CAPN15: variants seen among roughly 807,000 people sequenced by gnomAD.
CAPN15 encodes the protein calpain 15.
Under a neutral mutation model 97.9 loss-of-function variants are expected in CAPN15, and 53 were observed. The observed-to-expected ratio is 0.54, with a 90% CI of 0.43 to 0.68. The LOEUF is 0.68. CAPN15 is among the 30% of genes least tolerant of loss of function. The pLI, the probability that CAPN15 is intolerant of heterozygous loss-of-function variation, is 0.00. For missense variants in CAPN15, 1,592 were observed against 1,589.8 expected, an observed-to-expected ratio of 1.00 and a Z score of -0.02; for synonymous variants, 922 against 722.5, an observed-to-expected ratio of 1.28 and a Z score of -4.43.
Position 548,997 on chromosome 16 carries a change from A to G in CAPN15, c.1454A>G (p.Asn485Ser), listed in dbSNP as rs371144433. The stretch of plus-strand genomic sequence containing the variant: ...ACATGGCCGTGGTCTCTGCAGAACA[A>G]TGTGAGCTTCGTGGATGACAGCTTC... ...ENIVAFCREN[N>S]VSFVDDSFPP... The change falls in exon 5 of 14, where the codon AAT (asparagine) becomes AGT (serine). Residue 485 changes from asparagine to serine, a missense_variant. Around this residue, in one of 3 missense-constraint regions of CAPN15, gnomAD observed 883 missense variants for 776.6 expected, o/e 1.14. Coordinates refer to ENST00000219611, the MANE Select transcript of CAPN15 (RefSeq NM_005632.3). 13 of 1,612,544 alleles carry G rather than the reference A, an allele frequency of 8.1e-6. No individual in the cohort carries two copies. The highest frequency in any genetic ancestry group is 4.0e-5 in the African/African-American group (3 of 74,928).
rs970525051 is a variant in CAPN15 at position 540,010 on chromosome 16, C to T, written c.-23+3868C>T. The T allele has an allele frequency of 2.5e-5, 23 of 929,778 alleles. No individual in the cohort carries two copies. The East Asian group carries it at 5.8e-4, about 24-fold the overall frequency. The allele number at this position is 929,778 out of a possible 1,614,324, so 57.6% of individuals were successfully genotyped here. ...GGCTGGGCATGCTGGGAAGTCCTCC[C>T]GGGCTGTGTGTGTGAATCATGCTGT... On this transcript the variant is annotated intron_variant, in intron 3 of 13. Coordinates refer to ENST00000219611, the MANE Select transcript of CAPN15 (RefSeq NM_005632.3).
In CAPN15 at chr16:551,355, C is replaced by T. The variant is rs2035066204; in HGVS notation, c.2120C>T (p.Ala707Val). The T allele has an allele frequency of 1.9e-6, 3 of 1,609,170 alleles. No homozygotes were observed. Among genetic ancestry groups the T allele is most frequent in the African/African-American group, 1.3e-5 (1 of 74,896 alleles). Residue 707 changes from alanine (A) to valine (V), a missense_variant, in exon 8 of 14, where the codon GCC becomes GTC. By Grantham distance (64) the Ala-to-Val change is moderately conservative. Around this residue, in one of 3 missense-constraint regions of CAPN15, gnomAD observed 644 missense variants for 699.6 expected, o/e 0.92. Coordinates refer to ENST00000219611, the MANE Select transcript of CAPN15 (RefSeq NM_005632.3). Reference protein sequence around the residue: ...GGGNMKVDDSAYESLGLRPRH... With the variant: ...GGGNMKVDDSVYESLGLRPRH... Reference sequence around the variant, plus strand: ...GGCAACATGAAGGTGGACGATTCGGCCTACGAGAGCCTGGGCCTGCGCCCC... The same window carrying T: ...GGCAACATGAAGGTGGACGATTCGGTCTACGAGAGCCTGGGCCTGCGCCCC...
intron 1 of CAPN15, among the ~76,000 whole-genome samples, 185 bp downstream of exon 1, chr16:528,214 C>T (rs554263468): frequency 3.3e-5 from 5 of 151,926 alleles, no homozygotes; most frequent in African/African-American, 4.8e-5. Flanking sequence ...GCCCGCCGCC[C>T]GCTGGCGCCT....
chr16:540,038 C>A, intron 3 of CAPN15: 1 of 970,530 alleles, frequency 1.0e-6, no homozygotes, highest in Non-Finnish European at 1.2e-6. Context: ...CATGCTGTTT[C>A]TTCTCTATTT....
In CAPN15 at chr16:547,025, G is replaced by T; in HGVS notation, c.187G>T (p.Ala63Ser). 3.1e-6 allele frequency: 5 copies of T among 1,609,758 alleles called. No homozygotes were observed. The highest frequency in any genetic ancestry group is 4.2e-6 in the Non-Finnish European group (5 of 1,179,680). The change falls in exon 4 of 14, where the codon GCC (alanine) becomes TCC (serine). Residue 63 changes from alanine (A) to serine (S), a missense_variant. Around this residue, in one of 3 missense-constraint regions of CAPN15, gnomAD observed 883 missense variants for 776.6 expected, o/e 1.14. Coordinates refer to ENST00000219611, the MANE Select transcript of CAPN15 (RefSeq NM_005632.3). ...CTTCCGCAACTTCCTGGGCAAGGAG[G>T]CCTGCGAGGTGTGCGGCTTCACCCC... ...CTFRNFLGKE[A>S]CEVCGFTPEP...
chr16:531,170 C>T (rs2033222773), intron 1 of CAPN15, among the ~76,000 whole-genome samples: 1 of 152,250 alleles, frequency 6.6e-6, no homozygotes, highest in African/African-American at 2.4e-5. Flanking sequence ...CCTCACTTCT[C>T]TTCAAAAAGT....
intron 5 of CAPN15, 21 bp downstream of exon 5, chr16:549,222 G>T: frequency 6.4e-7 from 1 of 1,560,422 alleles, no homozygotes; most frequent in Non-Finnish European, 8.6e-7. Context: ...CTCCAAGGCC[G>T]GGGTGGGGCG....
chr16:547,128 C>T lies in CAPN15; in HGVS notation c.290C>T (p.Pro97Leu). The T allele has an allele frequency of 1.9e-6, 3 of 1,564,176 alleles. No individual in the cohort carries two copies. The highest frequency in any genetic ancestry group is 1.2e-5 in the South Asian group (1 of 84,484). ...LPKPPAILGEPKGSCQEEAGP... is the reference protein window; with the variant it reads ...LPKPPAILGELKGSCQEEAGP... ...AAGCCACCCGCCATCCTGGGGGAGC[C>T]CAAGGGCAGCTGCCAGGAGGAAGCA... Residue 97 changes from proline (P) to leucine (L), a missense_variant, in exon 4 of 14, where the codon CCC (proline) becomes CTC (leucine). By Grantham distance (98) the Pro-to-Leu change is moderately conservative (BLOSUM62 -3). Around this residue, in one of 3 missense-constraint regions of CAPN15, gnomAD observed 883 missense variants for 776.6 expected, o/e 1.14. Transcript: ENST00000219611.
chr16:528,867 A>G, intron 1 of CAPN15: 1 of 638,440 alleles, frequency 1.6e-6, no homozygotes. Flanking sequence ...TCCTCTGCCC[A>G]GGTCTGAGGG....
chr16:548,330 C>T lies in CAPN15; in HGVS notation c.1449+43C>T, dbSNP rs1304673943. 4 of 1,428,016 alleles carry T rather than the reference C, an allele frequency of 2.8e-6. No individual in the cohort carries two copies. In the African/African-American group the frequency reaches 4.5e-5, roughly 16 times the overall value. The allele number at this position is 1,428,016 out of a possible 1,614,324, so 88.5% of individuals were successfully genotyped here. On this transcript the variant is annotated intron_variant, in intron 4 of 13. Transcript: ENST00000219611. ...CCTCTTCCTGCTCCTGAGCCTCCTG[C>T]TCCCGCCCTCCCCTTCCTAGGCTTT...
Position 546,806 on chromosome 16 carries a change from T to C in CAPN15, c.-22-11T>C, listed in dbSNP as rs910323468. 6.4e-7 allele frequency: 1 copy of C among 1,569,100 alleles called. No individual in the cohort carries two copies. Among genetic ancestry groups the C allele is most frequent in the Non-Finnish European group, 8.7e-7 (1 of 1,155,026 alleles). On this transcript the variant is annotated splice_polypyrimidine_tract_variant and intron_variant, in intron 3 of 13. Coordinates refer to ENST00000219611, the MANE Select transcript of CAPN15 (RefSeq NM_005632.3). Reference sequence around the variant, plus strand: ...TCACAGGGTGGCCCTGATGAGCACCTTCCCTTGCAGCCACACCCACTCGCC... The same window carrying C: ...TCACAGGGTGGCCCTGATGAGCACCCTCCCTTGCAGCCACACCCACTCGCC...
intron 7 of CAPN15, among the ~76,000 whole-genome samples, chr16:550,148 G>A (rs1348512464): frequency 1.3e-5 from 2 of 151,778 alleles, no homozygotes; most frequent in South Asian, 2.1e-4. Context: ...GACTGATGCC[G>A]TCATCCGCCT....
In CAPN15 at chr16:544,996, C is replaced by T. The variant is rs1349537735; in HGVS notation, c.-22-1821C>T. On this transcript the variant is annotated intron_variant, in intron 3 of 13. Coordinates refer to ENST00000219611, the MANE Select transcript of CAPN15 (RefSeq NM_005632.3). Reference sequence around the variant, plus strand: ...CCTTGCTGAGCACGTGTGGCTGCGACTTCAGGAGCGTTCTGGGTTGAGAAT... The same window carrying T: ...CCTTGCTGAGCACGTGTGGCTGCGATTTCAGGAGCGTTCTGGGTTGAGAAT... 2.0e-5 allele frequency among the ~76,000 whole-genome samples: 3 copies of T among 148,378 alleles called. No homozygotes were observed. The East Asian group carries it at 6.0e-4, about 30-fold the overall frequency.
In CAPN15 at chr16:541,338, C is replaced by T. The variant is rs9934492; in HGVS notation, c.-23+5196C>T. On this transcript the variant is annotated intron_variant, in intron 3 of 13. Transcript: ENST00000219611. ...CTGGAGCCCTGTCTGCGAGTTACCCCGATGAACAGGGAGACGCGGCAGAGG... is the reference window on the plus strand; with the variant it reads ...CTGGAGCCCTGTCTGCGAGTTACCCTGATGAACAGGGAGACGCGGCAGAGG... Among the ~76,000 whole-genome samples the T allele has an allele frequency of 2.9e-3, 442 of 151,092 alleles. 5 individuals carry two copies. Among genetic ancestry groups the T allele is most frequent in the African/African-American group, 0.01 (422 of 41,108 alleles).
In CAPN15 at chr16:547,431, C is replaced by G. The variant is rs778499670; in HGVS notation, c.593C>G (p.Ala198Gly). 1.9e-6 allele frequency: 3 copies of G among 1,580,520 alleles called. No homozygotes were observed. The East Asian group carries it at 6.9e-5, about 36-fold the overall frequency. Residue 198 changes from alanine to glycine, a missense_variant, in exon 4 of 14, where the codon GCC becomes GGC. Coordinates refer to ENST00000219611, the MANE Select transcript of CAPN15 (RefSeq NM_005632.3). ...CCGGCCGGCTTCCACGTCGTGCCTG[C>G]CGCGCCTCCACCTGGCCTCCCCGGG... is the stretch of plus-strand genomic sequence containing the variant. Reference protein sequence around the residue: ...VAPAGFHVVPAAPPPGLPGEG... With the variant: ...VAPAGFHVVPGAPPPGLPGEG...
intron 2 of CAPN15, among the ~76,000 whole-genome samples, chr16:534,718 T>G (rs1358038270): frequency 6.6e-6 from 1 of 152,196 alleles, no homozygotes; most frequent in East Asian, 1.9e-4. Flanking sequence ...GGTGCAGTTT[T>G]AGGGCGCAGT....
chr16:550,681 C>T (rs1289582593), intron 7 of CAPN15, among the ~76,000 whole-genome samples: 1 of 150,412 alleles, frequency 6.6e-6, no homozygotes, highest in Non-Finnish European at 1.5e-5. Context: ...GGTGAGGGCC[C>T]CCAGTCGGTG....
rs2035306481 is a variant in CAPN15, at chr16:554,395, C to A, written c.*879C>A. On this transcript the variant is annotated 3_prime_UTR_variant, in exon 14 of 14. Coordinates refer to ENST00000219611, the MANE Select transcript of CAPN15 (RefSeq NM_005632.3). ...CCCGGCAGCGGGCCGGCCTCGCCCC[C>A]ACTCCCCCTCCTACCCCGGCAGGGG... 2 of 417,068 alleles carry A rather than the reference C, an allele frequency of 4.8e-6. No individual in the cohort carries two copies. Among genetic ancestry groups the A allele is most frequent in the South Asian group, 3.4e-5 (2 of 57,984 alleles). 25.8% of individuals were successfully genotyped at this position (417,068 alleles called of 1,614,324 possible). A position where few individuals can be genotyped will look rare whatever the true frequency, so the allele number is the denominator to read the frequency against.
chr16:530,524 T>C (rs2033174891), intron 1 of CAPN15, among the ~76,000 whole-genome samples: 1 of 152,194 alleles, frequency 6.6e-6, no homozygotes, highest in South Asian at 2.1e-4. Context: ...CCTGTGATCT[T>C]TGCATGTGTG....
Sources: gnomAD v4.1 joint callset for allele counts (sites outside exome capture counted in the v4.1 genomes callset) on GRCh38, gnomAD v4.1.1 for gene constraint, gnomAD v4.1.1 regional missense constraint, MANE v1.5 for transcripts, NCBI Gene and HGNC (gene_info 2026-07-23, HGNC 2026-07-21) for gene names.